The following GSAP variants were observed in gnomAD, a reference collection of about 807,000 sequenced individuals.
GSAP encodes gamma-secretase-activating protein.
A neutral mutation model predicts 131.7 loss-of-function variants in GSAP; 118 were observed. That is an observed-to-expected ratio of 0.90 (90% CI 0.77 to 1.04). GSAP has a LOEUF of 1.04. Ranked by LOEUF, GSAP falls within the 50% of genes least tolerant of loss-of-function variation. The probability of loss-of-function intolerance (pLI) is 0.00; values close to 1 mark genes in which losing one functional copy is unlikely to be tolerated. For missense variants in GSAP, 1,019 were observed against 1,013.2 expected (o/e 1.01, Z -0.08); for synonymous variants, 381 against 363.4 (o/e 1.05, Z -0.55).
intron 14 of GSAP, among the ~76,000 whole-genome samples, chr7:77,359,448 T>C (rs1794232022): frequency 6.6e-6 from 1 of 152,188 alleles, no homozygotes. Context: ...CTGGGGTTCA[T>C]GGAAATTTTC....
chr7:77,325,447 G>A (rs1253160084), intron 23 of GSAP, among the ~76,000 whole-genome samples: 2 of 152,062 alleles, frequency 1.3e-5, no homozygotes, highest in Non-Finnish European at 2.9e-5. Flanking sequence ...CTTTTTAAAG[G>A]TTTTGGATTT....
intron 1 of GSAP, among the ~76,000 whole-genome samples, chr7:77,408,273 A>C (rs1459391542): frequency 6.6e-6 from 1 of 152,244 alleles, no homozygotes; most frequent in Non-Finnish European, 1.5e-5. Context: ...AAGTTAACTG[A>C]CCATCTTTCT....
intron 29 of GSAP, 57 bp downstream of exon 29, chr7:77,312,044 C>A: frequency 1.6e-6 from 2 of 1,243,568 alleles, no homozygotes; most frequent in South Asian, 2.5e-5. Flanking sequence ...GATATGTTGT[C>A]ACGGGCAAAC....
chr7:77,415,255 C>T (rs1170606626), intron 1 of GSAP, among the ~76,000 whole-genome samples: 2 of 152,154 alleles, frequency 1.3e-5, no homozygotes, highest in African/African-American at 4.8e-5. Flanking sequence ...ATCAAGAAAA[C>T]TTTCACCAGC....
intron 5 of GSAP, among the ~76,000 whole-genome samples, chr7:77,389,393 C>T (rs902198125): frequency 4.0e-5 from 6 of 151,342 alleles, no homozygotes; most frequent in Non-Finnish European, 5.9e-5. Flanking sequence ...AAAAAAAACG[C>T]GTCATTTAGC....
intron 19 of GSAP, among the ~76,000 whole-genome samples, chr7:77,344,209 T>G (rs1791453823): frequency 6.6e-6 from 1 of 152,130 alleles, no homozygotes; most frequent in Non-Finnish European, 1.5e-5. Context: ...CCTTTACTAG[T>G]CAAATCACCC....
At chr7:77,316,859 C>G (rs1795017532) in intron 26 of GSAP, among the ~76,000 whole-genome samples, 1 of 152,202 alleles carries the variant, frequency 6.6e-6, no homozygotes. Context: ...CTGGCCTCCT[C>G]TAGCCAGCAA....
At chr7:77,412,991 G>A (rs1803565618) in intron 1 of GSAP, among the ~76,000 whole-genome samples, 1 of 152,136 alleles carries the variant, frequency 6.6e-6, no homozygotes, top group African/African-American at 2.4e-5. Context: ...ATGCCTGTGT[G>A]CACCAGGTGG....
At position 77,313,548 on chromosome 7, in the gene GSAP, A is replaced by T. The variant is rs1323896383; in HGVS notation, c.2211T>A (p.Asp737Glu). The change falls in exon 28 of 31, where the codon GAT becomes GAA. Residue 737 changes from aspartate to glutamate, a missense_variant and splice_region_variant. Physicochemically the swap from Asp to Glu is conservative, Grantham distance 45. Transcript: ENST00000257626. ...TTTCATTTTTCTCTGTATTATCCAG[A>T]TCTACAAGAAAGTTAGAGATTAGCA... ...TETAVIRLMKDLDNTEKNEKL... is the reference protein window; with the variant it reads ...TETAVIRLMKELDNTEKNEKL... 6.7e-7 allele frequency: 1 copy of T among 1,484,364 alleles called. No individual in the cohort carries two copies. Among genetic ancestry groups the T allele is most frequent in the South Asian group, 1.2e-5 (1 of 86,226 alleles). 91.9% of individuals were successfully genotyped at this position (1,484,364 alleles called of 1,614,324 possible).
chr7:77,416,569 G>A (rs1259562341), upstream of GSAP: 2 of 357,184 alleles, frequency 5.6e-6, no homozygotes, highest in Non-Finnish European at 1.0e-5. Flanking sequence ...GGTGGACCAG[G>A]CGCCAGGACC....
Position 77,387,428 on chromosome 7 carries a change from AC to A in GSAP, c.387del (p.Leu129PhefsTer11). The A allele has an allele frequency of 6.3e-7, 1 of 1,595,156 alleles. No individual in the cohort carries two copies. The highest frequency in any genetic ancestry group is 8.6e-7 in the Non-Finnish European group (1 of 1,162,796). Reference protein sequence around the residue: ...ELQPGSKCLTLLVEIHPVNNV... With the variant: ...ELQPGSKCLTXLVEIHPVNNV... ...TTGTTAACAGGGTGGATTTCAACCA[AC>A]AAAGTCAAGCACTTTGATCCTACAG... On this transcript the variant is annotated frameshift_variant, in exon 6 of 31. Coordinates refer to ENST00000257626, the MANE Select transcript of GSAP (RefSeq NM_017439.4). LOFTEE classifies it high-confidence loss of function.
intron 12 of GSAP, 107 bp from the exon 13 acceptor site, chr7:77,362,767 C>T (rs1210290640): frequency 1.5e-6 from 1 of 665,752 alleles, no homozygotes; most frequent in Non-Finnish European, 2.7e-6. Context: ...CCTGTCTCAT[C>T]TTACCTCATA....
intron 3 of GSAP, among the ~76,000 whole-genome samples, chr7:77,403,474 GTTTTT>G (rs1450652234): frequency 6.6e-6 from 1 of 152,152 alleles, no homozygotes; most frequent in African/African-American, 2.4e-5. Context: ...ATTCTAAATT[GTTTTT>G]ACATAGGTAC....
Position 77,314,492 on chromosome 7 carries a change from A to C in GSAP, c.2090-3T>G, listed in dbSNP as rs752390237. ...GATGGTGTGCAGAGTATGAAAACCT[A>C]GGATGAGAGATCTGGAGGGTAAACA... On this transcript the variant is annotated splice_polypyrimidine_tract_variant and splice_region_variant and intron_variant, in intron 26 of 30. Transcript: ENST00000257626. 1.2e-6 allele frequency: 2 copies of C among 1,613,560 alleles called. No individual in the cohort carries two copies. The highest frequency in any genetic ancestry group is 1.7e-6 in the Non-Finnish European group (2 of 1,179,642).
chr7:77,316,902 G>A (rs532472485), intron 26 of GSAP, among the ~76,000 whole-genome samples: 2 of 152,196 alleles, frequency 1.3e-5, no homozygotes, highest in African/African-American at 4.8e-5. Context: ...AAAAGCAAAT[G>A]CCCTAGCTCT....
intron 12 of GSAP, among the ~76,000 whole-genome samples, chr7:77,370,278 C>T (rs181989568): frequency 2.6e-5 from 4 of 152,032 alleles, no homozygotes; most frequent in Admixed American, 6.6e-5. Context: ...GCCAACATGG[C>T]GAAACCCCGT....
At chr7:77,397,139 C>T (rs1800548048) in intron 4 of GSAP, 104 bp from the exon 5 acceptor site, 3 of 777,014 alleles carry the variant, frequency 3.9e-6, no homozygotes, top group African/African-American at 3.5e-5. Context: ...AAGGATATGT[C>T]AACGGAAGAT....
Position 77,394,790 on chromosome 7 carries a change from T to C in GSAP, c.367+2192A>G, listed in dbSNP as rs576922914. Among the ~76,000 whole-genome samples, 19 of 152,326 alleles carry C rather than the reference T, an allele frequency of 1.2e-4. 1 individual carries two copies. The highest frequency in any genetic ancestry group is 4.3e-4 in the African/African-American group (18 of 41,560). On this transcript the variant is annotated intron_variant, in intron 5 of 30. Transcript: ENST00000257626. ...TCATGGGTTATTCTCCTGGGCATCA[T>C]GCCCAACCATACTTCCAAGCTGTAC...
chr7:77,316,625 C>T (rs1450117573), intron 26 of GSAP, among the ~76,000 whole-genome samples: 1 of 152,176 alleles, frequency 6.6e-6, no homozygotes. Context: ...AAAGTTTACA[C>T]TAGATTATTG....
Sources: allele counts gnomAD v4.1 joint callset (sites outside exome capture counted in the v4.1 genomes callset), GRCh38; gene constraint gnomAD v4.1.1; transcripts MANE v1.5; gene names NCBI Gene and HGNC (gene_info 2026-07-23, HGNC 2026-07-21).